NBEAL1: variants seen among roughly 807,000 people sequenced by gnomAD.
NBEAL1 encodes neurobeachin like 1.
A neutral mutation model predicts 351.3 loss-of-function variants in NBEAL1; 273 were observed. The ratio of observed to expected loss-of-function variants is 0.78; its 90% CI spans 0.70 to 0.86. NBEAL1 has a LOEUF of 0.86. Among genes scored for constraint, NBEAL1 ranks in the 40% least tolerant of loss-of-function variants. The pLI is 0.00. For synonymous variants in NBEAL1, 1,050 were observed against 1,086.4 expected, an observed-to-expected ratio of 0.97 and a Z score of 0.66; for missense variants, 2,961 against 3,201.3, an observed-to-expected ratio of 0.92 and a Z score of 1.81.
chr2:203,156,660 A>C (rs1485375649), intron 35 of NBEAL1, among the ~76,000 whole-genome samples: 1 of 152,258 alleles, frequency 6.6e-6, no homozygotes, highest in Non-Finnish European at 1.5e-5. Context: ...ATTTACACAG[A>C]AAAATGCAGC....
At chr2:203,203,920 T>C (rs962573569) in intron 51 of NBEAL1, among the ~76,000 whole-genome samples, 1 of 148,798 alleles carries the variant, frequency 6.7e-6, no homozygotes, top group East Asian at 1.9e-4. Flanking sequence ...TTTTTGTGTT[T>C]TTTTTGTTAT....
At chr2:203,048,279 G>A (rs1169986052) in intron 3 of NBEAL1, among the ~76,000 whole-genome samples, 1 of 151,316 alleles carries the variant, frequency 6.6e-6, no homozygotes, top group Admixed American at 6.6e-5. Context: ...CTACTCGGGA[G>A]CCTGAGGCAT....
chr2:203,183,593 A>AATAT (rs141705498), intron 44 of NBEAL1, among the ~76,000 whole-genome samples: 1 of 150,552 alleles, frequency 6.6e-6, no homozygotes, highest in East Asian at 1.9e-4. Context: ...ACCATGAATA[A>AATAT]ATATATATAT....
intron 8 of NBEAL1, among the ~76,000 whole-genome samples, chr2:203,082,829 G>A (rs1351490859): frequency 6.6e-6 from 1 of 152,118 alleles, no homozygotes; most frequent in Non-Finnish European, 1.5e-5. Context: ...CTTTAATCAT[G>A]GACTTATCTC....
chr2:203,179,555 G>C (rs974767625), intron 42 of NBEAL1, among the ~76,000 whole-genome samples: 12 of 152,060 alleles, frequency 7.9e-5, no homozygotes, highest in African/African-American at 2.9e-4. Context: ...GATTATGCAA[G>C]TAAAACATAA....
chr2:203,082,336 G>T (rs945867951), intron 8 of NBEAL1, among the ~76,000 whole-genome samples: 1 of 152,158 alleles, frequency 6.6e-6, no homozygotes, highest in Non-Finnish European at 1.5e-5. Context: ...ATTGAATATT[G>T]GGTGGGCCAT....
chr2:203,114,114 G>A (rs1006018331), intron 17 of NBEAL1, among the ~76,000 whole-genome samples: 1 of 152,022 alleles, frequency 6.6e-6, no homozygotes, highest in Non-Finnish European at 1.5e-5. Context: ...GAGCCACCGC[G>A]CCCAGCCTCT....
rs895569151 is a variant in NBEAL1, at chr2:203,083,234, G to A, written c.700G>A (p.Ala234Thr). The A allele has an allele frequency of 6.4e-7, 1 of 1,550,860 alleles. No individual in the cohort carries two copies. The highest frequency in any genetic ancestry group is 8.7e-7 in the Non-Finnish European group (1 of 1,146,536). The stretch of plus-strand genomic sequence containing the variant: ...AATGTTTCAGAGGAATGCTTTGCAA[G>A]CAATTTCTCCAGCCACTATGGAAGT... ...VAGGQRNALQ[A>T]ISPATMEVLM... is the part of the protein sequence containing the mutation. Residue 234 changes from alanine (A) to threonine (T), a missense_variant, in exon 9 of 56, where the codon GCA becomes ACA. Coordinates refer to ENST00000683969, the MANE Select transcript of NBEAL1 (RefSeq NM_001378026.1).
intron 44 of NBEAL1, among the ~76,000 whole-genome samples, chr2:203,184,088 A>C (rs1200957995): frequency 6.6e-6 from 1 of 150,810 alleles, no homozygotes; most frequent in African/African-American, 2.4e-5. Flanking sequence ...AAAAAAAAAA[A>C]AAAAAAAAAA....
At chr2:203,147,421 A>G (rs765092332) in intron 33 of NBEAL1, among the ~76,000 whole-genome samples, 1 of 152,136 alleles carries the variant, frequency 6.6e-6, no homozygotes, top group Non-Finnish European at 1.5e-5. Flanking sequence ...CAATAGCTCT[A>G]AAAATAATAA....
At chr2:203,156,994 T>C (rs966377247) in intron 35 of NBEAL1, among the ~76,000 whole-genome samples, 1 of 152,178 alleles carries the variant, frequency 6.6e-6, no homozygotes, top group Non-Finnish European at 1.5e-5. Flanking sequence ...TCACATATAT[T>C]ACCTTTCATA....
chr2:203,129,793 A>C (rs1462251956), intron 24 of NBEAL1, among the ~76,000 whole-genome samples: 1 of 152,206 alleles, frequency 6.6e-6, no homozygotes, highest in Non-Finnish European at 1.5e-5. Context: ...TATGGAGGAG[A>C]TGTCTTTTCA....
At chr2:203,177,025 C>T (rs141431132) in intron 42 of NBEAL1, among the ~76,000 whole-genome samples, 2 of 151,452 alleles carry the variant, frequency 1.3e-5, no homozygotes, top group Non-Finnish European at 2.9e-5. Flanking sequence ...GTGGTGTGCA[C>T]CTGTAGTCCC....
chr2:203,069,681 G>A (rs936785136), intron 7 of NBEAL1, among the ~76,000 whole-genome samples: 3 of 152,104 alleles, frequency 2.0e-5, no homozygotes, highest in Admixed American at 6.6e-5. Flanking sequence ...AGAGAGATGC[G>A]GTCTCATTCT....
intron 4 of NBEAL1, among the ~76,000 whole-genome samples, chr2:203,053,310 T>A (rs1359161872): frequency 6.6e-6 from 1 of 152,134 alleles, no homozygotes; most frequent in Non-Finnish European, 1.5e-5. Flanking sequence ...TAATTTGCAA[T>A]TCCCTAATGA....
chr2:203,048,449 G>T (rs1412324163), intron 3 of NBEAL1, among the ~76,000 whole-genome samples: 1 of 152,040 alleles, frequency 6.6e-6, no homozygotes, highest in South Asian at 2.1e-4. Flanking sequence ...AGAGATGATA[G>T]GGTTTTATTT....
chr2:203,021,445 A>G (rs1343476851), intron 2 of NBEAL1, among the ~76,000 whole-genome samples: 1 of 151,910 alleles, frequency 6.6e-6, no homozygotes, highest in Non-Finnish European at 1.5e-5. Context: ...AATACAAAAA[A>G]ATTAGCCAGG....
intron 8 of NBEAL1, among the ~76,000 whole-genome samples, chr2:203,079,561 T>C (rs2061836504): frequency 6.6e-6 from 1 of 152,176 alleles, no homozygotes; most frequent in South Asian, 2.1e-4. Flanking sequence ...AGGTCGAAAG[T>C]TTTTATCTTC....
At position 203,127,855 on chromosome 2, in the gene NBEAL1, A is replaced by G. The variant is rs776291847; in HGVS notation, c.3323A>G (p.Lys1108Arg). 4.0e-5 allele frequency: 62 copies of G among 1,547,794 alleles called. No individual in the cohort carries two copies. Among genetic ancestry groups the G allele is most frequent in the Non-Finnish European group, 5.3e-5 (61 of 1,141,818 alleles). Residue 1108 changes from lysine (K) to arginine (R), a missense_variant, in exon 24 of 56, where the codon AAA (lysine) becomes AGA (arginine). Coordinates refer to ENST00000683969, the MANE Select transcript of NBEAL1 (RefSeq NM_001378026.1). The stretch of plus-strand genomic sequence containing the variant: ...AGGACTTCTTTGTATGGACTAATTA[A>G]ATATTTTCTGTGCAAAGGTGGATCT... ...TIRTSLYGLIKYFLCKGGSHE... is the reference protein window; with the variant it reads ...TIRTSLYGLIRYFLCKGGSHE...
Sources: gnomAD v4.1 joint callset for allele counts (sites outside exome capture counted in the v4.1 genomes callset) on GRCh38, gnomAD v4.1.1 for gene constraint, MANE v1.5 for transcripts, NCBI Gene and HGNC (gene_info 2026-07-23, HGNC 2026-07-21) for gene names.